The following DLGAP1 variants were observed in gnomAD, a reference collection of about 807,000 sequenced individuals.
DLGAP1 encodes disks large-associated protein 1.
Under a neutral mutation model 90.8 loss-of-function variants are expected in DLGAP1, and 11 were observed. That is an observed-to-expected ratio of 0.12 (90% confidence interval 0.08 to 0.20). DLGAP1 has a LOEUF of 0.20. DLGAP1 is among the 10% of genes least tolerant of loss of function. The pLI, the probability that DLGAP1 is intolerant of heterozygous loss-of-function variation, is 1.00. For synonymous variants in DLGAP1, 558 were observed against 540.7 expected (o/e 1.03, Z -0.44); for missense variants, 1,050 against 1,333.8 (o/e 0.79, Z 3.31).
At chr18:4,095,077 A>G (rs1159145439) in intron 2 of DLGAP1, among the ~76,000 whole-genome samples, 1 of 152,194 alleles carries the variant, frequency 6.6e-6, no homozygotes, top group Non-Finnish European at 1.5e-5. Flanking sequence ...TCTTGCTTGG[A>G]TGACCAAGTA....
chr18:4,420,042 A>G (rs1243040140), intron 1 of DLGAP1, among the ~76,000 whole-genome samples: 1 of 152,214 alleles, frequency 6.6e-6, no homozygotes, highest in Non-Finnish European at 1.5e-5. Flanking sequence ...AAGCAAGGGT[A>G]GCTATGCTAA....
intron 7 of DLGAP1, among the ~76,000 whole-genome samples, chr18:3,703,918 C>T (rs75933567): frequency 0.024 from 3,700 of 152,292 alleles, 80 homozygotes; most frequent in Non-Finnish European, 0.033. Flanking sequence ...TCCCCACGTT[C>T]CCCTTCACAG....
chr18:3,528,692 C>T (rs182933597), intron 10 of DLGAP1, among the ~76,000 whole-genome samples: 200 of 152,244 alleles, frequency 1.3e-3, no homozygotes, highest in Non-Finnish European at 2.6e-3. Context: ...TGATATTTTC[C>T]CTTCTTCCTG....
At chr18:3,974,678 C>T (rs535757402) in intron 3 of DLGAP1, among the ~76,000 whole-genome samples, 1 of 152,082 alleles carries the variant, frequency 6.6e-6, no homozygotes, top group African/African-American at 2.4e-5. Flanking sequence ...GGGAGTATGA[C>T]ATTGAAAACA....
chr18:4,338,434 G>T (rs545984058), intron 1 of DLGAP1, among the ~76,000 whole-genome samples: 72 of 152,192 alleles, frequency 4.7e-4, no homozygotes, highest in African/African-American at 1.4e-3. Context: ...ATTTTCAAAG[G>T]CCTTTTATTA....
At chr18:4,426,359 T>TA (rs1282636878) in intron 1 of DLGAP1, among the ~76,000 whole-genome samples, 3 of 152,220 alleles carry the variant, frequency 2.0e-5, no homozygotes, top group South Asian at 4.1e-4. Context: ...TGCTCTGAAT[T>TA]AAAGTCCAGA....
intron 1 of DLGAP1, among the ~76,000 whole-genome samples, chr18:4,315,811 T>C (rs991161538): frequency 6.6e-6 from 1 of 150,826 alleles, no homozygotes; most frequent in Non-Finnish European, 1.5e-5. Flanking sequence ...GTAATTTTTT[T>C]GACTCTGAAG....
intron 5 of DLGAP1, among the ~76,000 whole-genome samples, chr18:3,808,262 G>T (rs2148387028): frequency 6.6e-6 from 1 of 152,280 alleles, no homozygotes; most frequent in Admixed American, 6.5e-5. Flanking sequence ...ATATTGGAAA[G>T]TGGGAGTGGG....
At chr18:4,169,115 G>T (rs1175593971) in intron 1 of DLGAP1, among the ~76,000 whole-genome samples, 1 of 151,836 alleles carries the variant, frequency 6.6e-6, no homozygotes, top group African/African-American at 2.4e-5. Context: ...AATTTTTTTT[G>T]AGGAAAAACC....
At chr18:4,246,727 T>C (rs1012716367) in intron 1 of DLGAP1, among the ~76,000 whole-genome samples, 12 of 152,230 alleles carry the variant, frequency 7.9e-5, no homozygotes, top group African/African-American at 2.9e-4. Context: ...AATTCACCAC[T>C]GGACAAAGGA....
In DLGAP1 at chr18:4,336,832, A is replaced by T. The variant is rs567483295; in HGVS notation, c.-267+118174T>A. Among the ~76,000 whole-genome samples the T allele has an allele frequency of 1.4e-4, 22 of 151,950 alleles. No individual in the cohort carries two copies. The South Asian group carries it at 4.6e-3, about 32-fold the overall frequency. On this transcript the variant is annotated intron_variant, in intron 1 of 12. Coordinates refer to ENST00000315677, the MANE Select transcript of DLGAP1 (RefSeq NM_004746.4). ...AGAGTGTAAACTCCTTGAGGATAAG[A>T]TCTAATCTAGTTTATGTTAGCATTA...
At chr18:3,839,474 G>A (rs1166033327) in intron 4 of DLGAP1, among the ~76,000 whole-genome samples, 1 of 152,134 alleles carries the variant, frequency 6.6e-6, no homozygotes, top group Admixed American at 6.5e-5. Flanking sequence ...TACTTGTCTT[G>A]GGACTTGAGT....
intron 2 of DLGAP1, among the ~76,000 whole-genome samples, chr18:4,033,833 G>A (rs547138025): frequency 3.3e-5 from 5 of 150,764 alleles, no homozygotes; most frequent in Non-Finnish European, 5.9e-5. Flanking sequence ...TCTGCCTCCC[G>A]GGTTCAAATG....
chr18:4,311,054 A>G (rs957411927), intron 1 of DLGAP1, among the ~76,000 whole-genome samples: 2 of 152,176 alleles, frequency 1.3e-5, no homozygotes, highest in African/African-American at 4.8e-5. Context: ...TTTTCCTTTC[A>G]AAGCCTAGGT....
chr18:3,902,379 A>G (rs79442486), intron 3 of DLGAP1, among the ~76,000 whole-genome samples: 17,029 of 152,278 alleles, frequency 0.11, 1,163 homozygotes, highest in Middle Eastern at 0.18. Context: ...ATTAAGTTAA[A>G]ATACAACATC....
chr18:3,933,967 C>T (rs1481390764), intron 3 of DLGAP1, among the ~76,000 whole-genome samples: 3 of 152,132 alleles, frequency 2.0e-5, no homozygotes, highest in Admixed American at 1.3e-4. Flanking sequence ...TGGGGTCACT[C>T]GAGGTCATTG....
chr18:4,405,357 C>T (rs1018147703), intron 1 of DLGAP1, among the ~76,000 whole-genome samples: 4 of 152,006 alleles, frequency 2.6e-5, no homozygotes, highest in Non-Finnish European at 5.9e-5. Flanking sequence ...GTCATTTTAT[C>T]TGGATAGTTT....
At chr18:4,313,469 T>G (rs938236710) in intron 1 of DLGAP1, among the ~76,000 whole-genome samples, 14 of 152,150 alleles carry the variant, frequency 9.2e-5, no homozygotes, top group Admixed American at 2.0e-4. Flanking sequence ...ATATTTTTAT[T>G]ACTTAAAACT....
At chr18:4,030,738 T>A (rs775069803) in intron 2 of DLGAP1, among the ~76,000 whole-genome samples, 9 of 152,084 alleles carry the variant, frequency 5.9e-5, no homozygotes, top group African/African-American at 9.7e-5. Flanking sequence ...CTGGGCAACA[T>A]GGTGAAACCC....
Sources: gnomAD v4.1 joint callset for allele counts (sites outside exome capture counted in the v4.1 genomes callset) on GRCh38, gnomAD v4.1.1 for gene constraint, MANE v1.5 for transcripts, NCBI Gene and HGNC (gene_info 2026-07-23, HGNC 2026-07-21) for gene names.